Variants in SUCLG2 observed in about 807,000 individuals in gnomAD.
SUCLG2 encodes succinate--CoA ligase [GDP-forming] subunit beta, mitochondrial.
A neutral mutation model predicts 47.9 loss-of-function variants in SUCLG2; 42 were observed. The observed-to-expected ratio is 0.88, with a 90% CI of 0.69 to 1.14. The LOEUF is 1.14. Among genes scored for constraint, SUCLG2 ranks in the 50% most tolerant of loss-of-function variants. SUCLG2 has a pLI of 0.00. For missense variants in SUCLG2, 571 were observed against 525.9 expected (o/e 1.09, Z -0.84); for synonymous variants, 195 against 197.3 (o/e 0.99, Z 0.10).
chr3:67,515,981 A>G (rs559470653), intron 6 of SUCLG2, among the ~76,000 whole-genome samples: 4 of 151,900 alleles, frequency 2.6e-5, no homozygotes, highest in African/African-American at 9.7e-5. Flanking sequence ...TCTCTCCTTC[A>G]CATTCCTTTA....
intron 10 of SUCLG2, 110 bp from the exon 11 acceptor site, chr3:67,375,969 G>T (rs1702028443): frequency 6.9e-6 from 10 of 1,452,174 alleles, no homozygotes; most frequent in Non-Finnish European, 7.3e-6. Flanking sequence ...ACTAGGAAAT[G>T]AATTAAATAT....
chr3:67,378,817 G>T (rs1183435652), intron 10 of SUCLG2, among the ~76,000 whole-genome samples: 1 of 152,350 alleles, frequency 6.6e-6, no homozygotes, highest in East Asian at 1.9e-4. Flanking sequence ...GCAGGTGTTA[G>T]ATAGCAGGCT....
chr3:67,524,488 A>G (rs1182201125), intron 4 of SUCLG2, among the ~76,000 whole-genome samples: 1 of 152,220 alleles, frequency 6.6e-6, no homozygotes, highest in Non-Finnish European at 1.5e-5. Context: ...CCTGGACCGC[A>G]TGATGAGTAG....
chr3:67,580,311 C>T (rs576047270), intron 2 of SUCLG2, among the ~76,000 whole-genome samples: 10 of 152,108 alleles, frequency 6.6e-5, no homozygotes, highest in Admixed American at 5.2e-4. Context: ...TGTGTGTATG[C>T]ACTTACACAT....
At chr3:67,363,737 A>T (rs1473276235) in intron 10 of SUCLG2, among the ~76,000 whole-genome samples, 1 of 152,204 alleles carries the variant, frequency 6.6e-6, no homozygotes, top group African/African-American at 2.4e-5. Flanking sequence ...GTTTAAAAAA[A>T]GGGTAACTCA....
intron 10 of SUCLG2, among the ~76,000 whole-genome samples, chr3:67,366,932 C>T (rs1186214677): frequency 6.6e-6 from 1 of 152,208 alleles, no homozygotes; most frequent in Non-Finnish European, 1.5e-5. Context: ...GTTTGACATT[C>T]ATCACTGGAA....
chr3:67,418,634 C>G (rs1360768152), intron 9 of SUCLG2, among the ~76,000 whole-genome samples: 2 of 152,152 alleles, frequency 1.3e-5, no homozygotes, highest in Non-Finnish European at 2.9e-5. Context: ...CACAAGATTC[C>G]TCCCTTCCTA....
chr3:67,371,984 C>T (rs1265598166), downstream of SUCLG2, among the ~76,000 whole-genome samples: 2 of 152,152 alleles, frequency 1.3e-5, no homozygotes, highest in African/African-American at 2.4e-5. Flanking sequence ...ACAGAAAGCA[C>T]TTAATCAATG....
Position 67,563,694 on chromosome 3 carries a change from TC to T in SUCLG2, c.227-34509del, listed in dbSNP as rs930166282. 9.4e-4 allele frequency among the ~76,000 whole-genome samples: 143 copies of T among 152,136 alleles called. 1 individual carries two copies. The highest frequency in any genetic ancestry group is 3.1e-3 in the African/African-American group (129 of 41,512). On this transcript the variant is annotated intron_variant, in intron 2 of 10. Coordinates refer to ENST00000307227, the MANE Select transcript of SUCLG2 (RefSeq NM_003848.4). ...CTACTAGTTGGCCGGGCGCGGTGGC[TC>T]ATGTCTGTAATCCCAGCACTTTGGG... is the stretch of plus-strand genomic sequence containing the variant.
intron 2 of SUCLG2, among the ~76,000 whole-genome samples, chr3:67,536,291 C>T (rs750435379): frequency 1.3e-5 from 2 of 152,154 alleles, no homozygotes; most frequent in East Asian, 1.9e-4. Flanking sequence ...TAAAGATGTT[C>T]GTTTCACTTT....
chr3:67,580,696 G>T (rs1575793496), intron 2 of SUCLG2, among the ~76,000 whole-genome samples: 2 of 152,110 alleles, frequency 1.3e-5, no homozygotes, highest in African/African-American at 4.8e-5. Flanking sequence ...CATAAAATTT[G>T]AAGCTGTTTC....
intron 6 of SUCLG2, among the ~76,000 whole-genome samples, chr3:67,512,911 A>C (rs970841406): frequency 6.7e-6 from 1 of 149,080 alleles, no homozygotes; most frequent in African/African-American, 2.5e-5. Flanking sequence ...ACACACACAC[A>C]CCCCCCTCTA....
At chr3:67,461,958 G>C (rs975938981) in intron 9 of SUCLG2, among the ~76,000 whole-genome samples, 1 of 152,054 alleles carries the variant, frequency 6.6e-6, no homozygotes, top group Non-Finnish European at 1.5e-5. Context: ...AAGGTCATGC[G>C]GGGCCGGATG....
At chr3:67,598,426 A>G (rs1708342703) in intron 2 of SUCLG2, among the ~76,000 whole-genome samples, 1 of 152,210 alleles carries the variant, frequency 6.6e-6, no homozygotes, top group South Asian at 2.1e-4. Context: ...TTTGCAGTTA[A>G]TAATAGTTCT....
intron 7 of SUCLG2, among the ~76,000 whole-genome samples, chr3:67,505,128 T>A (rs12636825): frequency 5.9e-5 from 9 of 152,018 alleles, no homozygotes; most frequent in Admixed American, 5.9e-4. Flanking sequence ...CCAAGCAGGG[T>A]CAATGAGAAT....
At chr3:67,613,150 T>C (rs564606599) in intron 1 of SUCLG2, among the ~76,000 whole-genome samples, 3 of 152,328 alleles carry the variant, frequency 2.0e-5, no homozygotes, top group South Asian at 2.1e-4. Flanking sequence ...CATTAGCCAT[T>C]GGCGATTAAC....
intron 9 of SUCLG2, among the ~76,000 whole-genome samples, chr3:67,468,240 T>C (rs1275936247): frequency 6.6e-6 from 1 of 152,190 alleles, no homozygotes; most frequent in Non-Finnish European, 1.5e-5. Flanking sequence ...TAGGTGCCAA[T>C]ATAGTATAGA....
chr3:67,622,607 G>T (rs1392272829), intron 1 of SUCLG2, among the ~76,000 whole-genome samples: 1 of 152,010 alleles, frequency 6.6e-6, no homozygotes, highest in Non-Finnish European at 1.5e-5. Flanking sequence ...ATTTCATGTA[G>T]TTAATTTAAT....
At chr3:67,647,110 T>C (rs1171652450) in intron 1 of SUCLG2, among the ~76,000 whole-genome samples, 1 of 151,842 alleles carries the variant, frequency 6.6e-6, no homozygotes, top group African/African-American at 2.4e-5. Flanking sequence ...AGCCCACAAA[T>C]GGAAATACAG....
Sources: gnomAD v4.1 joint callset for allele counts (sites outside exome capture counted in the v4.1 genomes callset) on GRCh38, gnomAD v4.1.1 for gene constraint, MANE v1.5 for transcripts, NCBI Gene and HGNC (gene_info 2026-07-23, HGNC 2026-07-21) for gene names.